The following B3GAT2 variants were observed in gnomAD, a reference collection of about 807,000 sequenced individuals.
B3GAT2 encodes galactosylgalactosylxylosylprotein 3-beta-glucuronosyltransferase 2.
A neutral mutation model predicts 27.8 loss-of-function variants in B3GAT2; 26 were observed. That is an observed-to-expected ratio of 0.93 (90% CI 0.68 to 1.30). B3GAT2 has a LOEUF of 1.30. Ranked by LOEUF, B3GAT2 falls within the 50% of genes most tolerant of loss-of-function variation. B3GAT2 has a pLI of 0.00. For missense variants in B3GAT2, 458 were observed against 459.0 expected, an observed-to-expected ratio of 1.00 and a Z score of 0.02; for synonymous variants, 218 against 195.1, an observed-to-expected ratio of 1.12 and a Z score of -0.98.
At chr6:70,925,370 A>G (rs1369126624) in intron 1 of B3GAT2, among the ~76,000 whole-genome samples, 1 of 152,342 alleles carries the variant, frequency 6.6e-6, no homozygotes, top group South Asian at 2.1e-4. Context: ...TGGAAGCACA[A>G]GGGGTCAGGG....
intron 2 of B3GAT2, among the ~76,000 whole-genome samples, chr6:70,864,683 A>G (rs1771821876): frequency 1.3e-5 from 2 of 152,188 alleles, no homozygotes; most frequent in Non-Finnish European, 2.9e-5. Context: ...CCCCTGGGTT[A>G]CTTTTGGGGA....
chr6:70,866,796 T>G (rs1046596163), intron 2 of B3GAT2, among the ~76,000 whole-genome samples: 1 of 152,198 alleles, frequency 6.6e-6, no homozygotes, highest in Admixed American at 6.5e-5. Flanking sequence ...ATGTAAGACT[T>G]AAATAACATT....
chr6:70,956,433 G>T lies in B3GAT2; in HGVS notation c.-4C>A, dbSNP rs1330790523. On this transcript the variant is annotated 5_prime_UTR_variant, in exon 1 of 4. Transcript: ENST00000230053. ...GGGTGAAAAGCGCGGACTTCATGGT[G>T]CACGCTCCCTGGCCTCTCGGACACC... 1.9e-6 allele frequency: 3 copies of T among 1,551,070 alleles called. No homozygotes were observed. The highest frequency in any genetic ancestry group is 1.2e-5 in the South Asian group (1 of 84,064).
chr6:70,943,373 G>A (rs1287050802), intron 1 of B3GAT2, among the ~76,000 whole-genome samples: 2 of 152,180 alleles, frequency 1.3e-5, no homozygotes, highest in Non-Finnish European at 2.9e-5. Flanking sequence ...GCACATCTCT[G>A]TTCCCAGAAG....
chr6:70,891,366 T>C (rs560847936), intron 2 of B3GAT2, among the ~76,000 whole-genome samples: 1 of 152,302 alleles, frequency 6.6e-6, no homozygotes, highest in Admixed American at 6.5e-5. Context: ...ACAGAAATAA[T>C]CTTAATTCTG....
At chr6:70,909,841 G>A (rs1159144994) in intron 1 of B3GAT2, among the ~76,000 whole-genome samples, 1 of 152,040 alleles carries the variant, frequency 6.6e-6, no homozygotes, top group Non-Finnish European at 1.5e-5. Flanking sequence ...AGCACCATGG[G>A]CCTTATTTTC....
At position 70,858,047 on chromosome 6, in the gene B3GAT2, A is replaced by G. The variant is rs1771510293; in HGVS notation, c.*3616T>C. On this transcript the variant is annotated 3_prime_UTR_variant, in exon 4 of 4. Transcript: ENST00000230053. ...CCTTATAGGAAATGTGATGGGACAGAGTCCAAGCATGATGGTGGGCATGCC... is the reference window on the plus strand; with the variant it reads ...CCTTATAGGAAATGTGATGGGACAGGGTCCAAGCATGATGGTGGGCATGCC... 7 of 1,614,026 alleles carry G rather than the reference A, an allele frequency of 4.3e-6. No individual in the cohort carries two copies. Among genetic ancestry groups the G allele is most frequent in the Non-Finnish European group, 5.9e-6 (7 of 1,180,012 alleles).
intron 1 of B3GAT2, among the ~76,000 whole-genome samples, chr6:70,934,651 C>G (rs1562233568): frequency 6.6e-6 from 1 of 152,012 alleles, no homozygotes; most frequent in Non-Finnish European, 1.5e-5. Context: ...GTCAGATCAC[C>G]ATGTAATTTT....
intron 2 of B3GAT2, among the ~76,000 whole-genome samples, chr6:70,870,631 AAAAC>A (rs559074778): frequency 3.0e-4 from 45 of 152,230 alleles, no homozygotes; most frequent in Middle Eastern, 3.4e-3. Context: ...AAATCTCTTA[AAAAC>A]AAACAAACAA....
At chr6:70,902,661 CACACATAT>C (rs761045105) in intron 1 of B3GAT2, among the ~76,000 whole-genome samples, 1 of 148,954 alleles carries the variant, frequency 6.7e-6, no homozygotes, top group African/African-American at 2.5e-5. Context: ...CACACACACA[CACACATAT>C]ATATATATAC....
intron 1 of B3GAT2, among the ~76,000 whole-genome samples, chr6:70,927,390 TAA>T (rs1290499778): frequency 6.6e-6 from 1 of 152,066 alleles, no homozygotes; most frequent in Non-Finnish European, 1.5e-5. Flanking sequence ...GCAAATTGGA[TAA>T]AGAGTCAAGA....
At chr6:70,866,439 A>G (rs531589044) in intron 2 of B3GAT2, among the ~76,000 whole-genome samples, 1 of 152,316 alleles carries the variant, frequency 6.6e-6, no homozygotes, top group East Asian at 1.9e-4. Flanking sequence ...GTTTTTATGT[A>G]TGGTTGTGTG....
chr6:70,882,163 G>C (rs1272910385), intron 2 of B3GAT2, among the ~76,000 whole-genome samples: 1 of 152,154 alleles, frequency 6.6e-6, no homozygotes, highest in African/African-American at 2.4e-5. Context: ...ATTGGATTCA[G>C]CAGTGACTTC....
intron 1 of B3GAT2, among the ~76,000 whole-genome samples, chr6:70,902,078 T>C (rs1045643954): frequency 4.6e-5 from 7 of 152,230 alleles, no homozygotes; most frequent in Admixed American, 1.3e-4. Flanking sequence ...TTAGGTCATA[T>C]GTATTTGTGA....
At chr6:70,955,718 C>G (rs1022301883) in intron 1 of B3GAT2, 121 bp downstream of exon 1, 4 of 1,194,548 alleles carry the variant, frequency 3.3e-6, no homozygotes. Context: ...CCCGAATGCG[C>G]GCACGGAGAA....
intron 1 of B3GAT2, among the ~76,000 whole-genome samples, chr6:70,898,501 G>T (rs959585886): frequency 6.6e-6 from 1 of 152,066 alleles, no homozygotes; most frequent in Admixed American, 6.6e-5. Context: ...CAAACACAGA[G>T]AAACCAGGTT....
At chr6:70,880,122 A>G (rs1772077616) in intron 2 of B3GAT2, among the ~76,000 whole-genome samples, 1 of 151,780 alleles carries the variant, frequency 6.6e-6, no homozygotes, top group African/African-American at 2.4e-5. Context: ...GCGGCAGAGG[A>G]GGTAGAGAGA....
intron 1 of B3GAT2, among the ~76,000 whole-genome samples, chr6:70,941,412 A>G (rs1471041032): frequency 6.6e-6 from 1 of 152,168 alleles, no homozygotes; most frequent in Non-Finnish European, 1.5e-5. Flanking sequence ...TAAGCAGTGA[A>G]GCTGGATTTG....
At chr6:70,930,701 G>T (rs963587934) in intron 1 of B3GAT2, among the ~76,000 whole-genome samples, 11 of 152,200 alleles carry the variant, frequency 7.2e-5, no homozygotes, top group African/African-American at 2.4e-4. Context: ...TGCTGGAGAG[G>T]ATGGGAGAAA....
Sources: gnomAD v4.1 joint callset for allele counts (sites outside exome capture counted in the v4.1 genomes callset) on GRCh38, gnomAD v4.1.1 for gene constraint, MANE v1.5 for transcripts, NCBI Gene and HGNC (gene_info 2026-07-23, HGNC 2026-07-21) for gene names.